GLIPR1L1: variants seen among roughly 807,000 people sequenced by gnomAD.
The protein encoded by GLIPR1L1 is GLIPR1 like 1, also known as GLIPR1-like protein 1.
Under a neutral mutation model 29.9 loss-of-function variants are expected in GLIPR1L1, and 26 were observed. That is an observed-to-expected ratio of 0.87 (90% CI 0.64 to 1.21). The LOEUF (loss-of-function observed/expected upper bound fraction) is 1.21, where lower values mean the gene tolerates loss of function less well. GLIPR1L1 is among the 50% of genes most tolerant of loss of function. The pLI is 0.00. For missense variants in GLIPR1L1, 305 were observed against 290.3 expected, an observed-to-expected ratio of 1.05 and a Z score of -0.37; for synonymous variants, 77 against 97.5, an observed-to-expected ratio of 0.79 and a Z score of 1.24.
intron 2 of GLIPR1L1, among the ~76,000 whole-genome samples, chr12:75,346,105 G>A (rs1380344548): frequency 3.9e-5 from 6 of 152,044 alleles, no homozygotes; most frequent in Middle Eastern, 6.8e-3. Context: ...GCAATACATC[G>A]TAAACCTACA....
intron 4 of GLIPR1L1, among the ~76,000 whole-genome samples, chr12:75,365,973 TATA>T (rs542793562): frequency 9.9e-4 from 151 of 152,284 alleles, no homozygotes; most frequent in African/African-American, 3.5e-3. Context: ...TTTGACACCT[TATA>T]ATATTTGCCA....
intron 4 of GLIPR1L1, among the ~76,000 whole-genome samples, chr12:75,363,627 T>G (rs922085026): frequency 6.6e-6 from 1 of 152,142 alleles, no homozygotes; most frequent in African/African-American, 2.4e-5. Flanking sequence ...AAAATAAATA[T>G]GCTTTTTAAG....
intron 4 of GLIPR1L1, among the ~76,000 whole-genome samples, chr12:75,365,483 G>A (rs2043903854): frequency 6.6e-6 from 1 of 151,954 alleles, no homozygotes; most frequent in African/African-American, 2.4e-5. Context: ...ACCTTCTTTT[G>A]CATATAACTT....
chr12:75,360,824 G>T (rs2043531395), intron 3 of GLIPR1L1: 2 of 152,148 alleles, frequency 1.3e-5, no homozygotes, highest in Admixed American at 6.6e-5. Flanking sequence ...TGAGGGCTCT[G>T]CCCCTGTAGC....
intron 4 of GLIPR1L1, among the ~76,000 whole-genome samples, chr12:75,363,655 T>G (rs2043770499): frequency 6.6e-6 from 1 of 152,096 alleles, no homozygotes; most frequent in Admixed American, 6.6e-5. Context: ...GTATAAATTT[T>G]GGGCAGTGAG....
At chr12:75,360,712 C>A (rs1056784422) in intron 3 of GLIPR1L1, 16 of 152,194 alleles carry the variant, frequency 1.1e-4, no homozygotes, top group African/African-American at 3.9e-4. Context: ...AGAATGGTGG[C>A]CCTGTTCTCA....
Position 75,347,681 on chromosome 12 carries a change from G to C in GLIPR1L1, c.480G>C (p.Gly160=), listed in dbSNP as rs142633493. ...CAGTTGCAATGTGTCCTAACCTTGG[G>C]GGAGCTTCAACTGCAATATTTGTAT... The part of the protein sequence containing the change: ...GCAVAMCPNL[G]GASTAIFVCN... The change falls in exon 3 of 6, where the codon GGG becomes GGC. Residue 160 remains glycine (G), a synonymous_variant. Coordinates refer to ENST00000378695, the MANE Select transcript of GLIPR1L1 (RefSeq NM_001304964.2). The C allele has an allele frequency of 6.5e-5, 104 of 1,606,506 alleles. No individual in the cohort carries two copies. Among genetic ancestry groups the C allele is most frequent in the Non-Finnish European group, 8.8e-5 (104 of 1,175,354 alleles).
chr12:75,368,823 TGTGA>T (rs1442362599), intron 4 of GLIPR1L1, among the ~76,000 whole-genome samples: 1 of 151,736 alleles, frequency 6.6e-6, no homozygotes. Flanking sequence ...TTTGTTCTAG[TGTGA>T]GTGTGTTATG....
In GLIPR1L1 at chr12:75,358,130, T is replaced by G. The variant is rs149908730; in HGVS notation, c.522-4972T>G. Among the ~76,000 whole-genome samples, 396 of 151,384 alleles carry G rather than the reference T, an allele frequency of 2.6e-3. 1 individual carries two copies. Among genetic ancestry groups the G allele is most frequent in the Non-Finnish European group, 4.4e-3 (301 of 67,684 alleles). ...TGATCAAAAAAAGATAAAAATAATA[T>G]GAGAACATAGGTGATAACACTACAG... On this transcript the variant is annotated intron_variant, in intron 3 of 5. Transcript: ENST00000378695.
chr12:75,364,414 T>G (rs975685410), intron 4 of GLIPR1L1, among the ~76,000 whole-genome samples: 1 of 152,242 alleles, frequency 6.6e-6, no homozygotes, highest in African/African-American at 2.4e-5. Flanking sequence ...CTTTATCGCA[T>G]AGTGTTGTCA....
In GLIPR1L1 at chr12:75,369,968, C is replaced by T; in HGVS notation, c.619C>T (p.Gln207Ter). The change falls in exon 5 of 6, where the codon CAA (glutamine) becomes TAA (stop). Residue 207 changes from glutamine (Q) to a stop codon, truncating the protein, a stop_gained. Transcript: ENST00000378695. LOFTEE classifies it low-confidence loss of function (END_TRUNC). ...KCVKNLCRTP[Q>*]LIIPNQNPFL... ...TTTAATTTTTACTTTAGGGACTCCACAACTTATTATACCTAACCGTATGTA... is the reference window on the plus strand; with the variant it reads ...TTTAATTTTTACTTTAGGGACTCCATAACTTATTATACCTAACCGTATGTA... 1.8e-6 allele frequency: 2 copies of T among 1,086,282 alleles called. No homozygotes were observed. The highest frequency in any genetic ancestry group is 2.6e-6 in the Non-Finnish European group (2 of 761,332). The allele number at this position is 1,086,282 out of a possible 1,614,324, so 67.3% of individuals were successfully genotyped here. A position where few individuals can be genotyped will look rare whatever the true frequency, so the allele number is the denominator to read the frequency against.
At chr12:75,356,022 G>A (rs956681639) in intron 3 of GLIPR1L1, among the ~76,000 whole-genome samples, 13 of 152,048 alleles carry the variant, frequency 8.5e-5, no homozygotes, top group African/African-American at 2.9e-4. Flanking sequence ...AATAGCTAAC[G>A]CATGCTGGGC....
At chr12:75,352,624 A>G (rs2042889329) in intron 3 of GLIPR1L1, among the ~76,000 whole-genome samples, 1 of 152,226 alleles carries the variant, frequency 6.6e-6, no homozygotes, top group African/African-American at 2.4e-5. Flanking sequence ...AATATCCTGA[A>G]GTTGAACTCA....
chr12:75,338,910 G>A (rs2041917105), intron 1 of GLIPR1L1, among the ~76,000 whole-genome samples: 1 of 152,174 alleles, frequency 6.6e-6, no homozygotes, highest in South Asian at 2.1e-4. Flanking sequence ...CTCCATCCAT[G>A]TCCCTGCAAA....
At chr12:75,367,997 A>T (rs1479108590) in intron 4 of GLIPR1L1, among the ~76,000 whole-genome samples, 1 of 152,128 alleles carries the variant, frequency 6.6e-6, no homozygotes, top group East Asian at 1.9e-4. Context: ...TTTTAATTTG[A>T]ATAAATGTTA....
chr12:75,365,033 T>C (rs923393854), intron 4 of GLIPR1L1: 2 of 152,174 alleles, frequency 1.3e-5, no homozygotes, highest in African/African-American at 4.8e-5. Context: ...TACCCATCCT[T>C]CATTGAGAGG....
chr12:75,348,550 TAAG>T (rs1565972504), intron 3 of GLIPR1L1, among the ~76,000 whole-genome samples: 1 of 152,196 alleles, frequency 6.6e-6, no homozygotes, highest in Non-Finnish European at 1.5e-5. Flanking sequence ...TCTTTTCTCT[TAAG>T]GAGACTAATC....
chr12:75,360,208 C>A (rs934143046), intron 3 of GLIPR1L1: 2 of 152,104 alleles, frequency 1.3e-5, no homozygotes, highest in African/African-American at 4.8e-5. Context: ...CAGAGCCAAA[C>A]CCTATCATTC....
In GLIPR1L1 at chr12:75,363,265, G is replaced by A. The variant is rs991518175; in HGVS notation, c.610+75G>A. ...TATATTTATTAAATTTTAAAATTTG[G>A]CTTCTCAAGTTTACAAACTATGGAC... On this transcript the variant is annotated intron_variant, in intron 4 of 5. Transcript: ENST00000378695. 3 of 654,424 alleles carry A rather than the reference G, an allele frequency of 4.6e-6. No individual in the cohort carries two copies. In the South Asian group the frequency reaches 1.3e-4, roughly 28 times the overall value. The allele number at this position is 654,424 out of a possible 1,614,324, so 40.5% of individuals were successfully genotyped here.
Sources: allele counts gnomAD v4.1 joint callset (sites outside exome capture counted in the v4.1 genomes callset), GRCh38; gene constraint gnomAD v4.1.1; transcripts MANE v1.5; gene names NCBI Gene and HGNC (gene_info 2026-07-23, HGNC 2026-07-21).